CDH13: variants seen among roughly 807,000 people sequenced by gnomAD.
The protein encoded by CDH13 is cadherin-13.
CDH13 carries 24 observed loss-of-function variants against 63.8 expected under a neutral mutation model. The ratio of observed to expected loss-of-function variants is 0.38; its 90% CI spans 0.27 to 0.53. The LOEUF (loss-of-function observed/expected upper bound fraction) is 0.53, where lower values mean the gene tolerates loss of function less well. Ranked by LOEUF, CDH13 falls within the 20% of genes least tolerant of loss-of-function variation. CDH13 has a pLI of 0.85. For synonymous variants in CDH13, 503 were observed against 355.3 expected, an observed-to-expected ratio of 1.42 and a Z score of -4.67; for missense variants, 1,049 against 903.1, an observed-to-expected ratio of 1.16 and a Z score of -2.07.
chr16:83,274,836 C>T (rs556551071), intron 5 of CDH13, among the ~76,000 whole-genome samples: 4 of 152,224 alleles, frequency 2.6e-5, no homozygotes, highest in South Asian at 4.2e-4. Context: ...TAAGCAAGCT[C>T]CCAGGATGAA....
chr16:83,232,559 A>ACC (rs2040034169), intron 5 of CDH13, among the ~76,000 whole-genome samples: 1 of 151,440 alleles, frequency 6.6e-6, no homozygotes, highest in Admixed American at 6.6e-5. Flanking sequence ...CAAACAAAAA[A>ACC]AAAAAAAAGT....
intron 3 of CDH13, among the ~76,000 whole-genome samples, chr16:83,061,742 A>G (rs796328801): frequency 2.6e-5 from 4 of 152,326 alleles, no homozygotes; most frequent in African/African-American, 9.6e-5. Flanking sequence ...AATGAGTAGA[A>G]AGAACAAAAA....
chr16:83,603,277 C>G (rs1198635153), intron 8 of CDH13, among the ~76,000 whole-genome samples: 1 of 152,206 alleles, frequency 6.6e-6, no homozygotes, highest in African/African-American at 2.4e-5. Flanking sequence ...GGGGCCTGGG[C>G]CAGGGCATGG....
intron 4 of CDH13, among the ~76,000 whole-genome samples, chr16:83,216,086 C>G (rs1178668677): frequency 1.3e-5 from 2 of 151,726 alleles, no homozygotes; most frequent in African/African-American, 4.8e-5. Flanking sequence ...CAGACTCTTC[C>G]TTGTCTGCCT....
intron 4 of CDH13, chr16:83,181,090 C>G: frequency 7.8e-7 from 1 of 1,274,700 alleles, no homozygotes; most frequent in Non-Finnish European, 1.1e-6. Context: ...GTCCTGTTGA[C>G]TGAATTTTGA....
chr16:83,558,753 GC>G (rs1267738977), intron 7 of CDH13, among the ~76,000 whole-genome samples: 2 of 152,102 alleles, frequency 1.3e-5, no homozygotes, highest in Admixed American at 6.6e-5. Context: ...AGTTATGTGG[GC>G]CCTTGTTATG....
intron 4 of CDH13, among the ~76,000 whole-genome samples, chr16:83,169,843 A>G (rs981169495): frequency 1.3e-5 from 2 of 152,100 alleles, no homozygotes; most frequent in Non-Finnish European, 1.5e-5. Context: ...ACAATTAACA[A>G]TCTTGGCCTG....
chr16:83,523,429 C>T (rs867673134), intron 7 of CDH13, among the ~76,000 whole-genome samples: 1 of 152,162 alleles, frequency 6.6e-6, no homozygotes, highest in South Asian at 2.1e-4. Context: ...AAGCCCAAGG[C>T]TCTGTCTTGT....
chr16:83,406,025 G>A (rs1443422120), intron 6 of CDH13, among the ~76,000 whole-genome samples: 2 of 152,184 alleles, frequency 1.3e-5, no homozygotes, highest in Non-Finnish European at 2.9e-5. Context: ...TCTTCCAGCA[G>A]CTTCTCCCCG....
intron 6 of CDH13, among the ~76,000 whole-genome samples, chr16:83,377,244 A>G (rs1278725768): frequency 6.6e-6 from 1 of 152,146 alleles, no homozygotes; most frequent in African/African-American, 2.4e-5. Context: ...AAAAGGAGGG[A>G]GGGGTTTATG....
intron 2 of CDH13, among the ~76,000 whole-genome samples, chr16:82,917,606 A>C (rs1048305651): frequency 9.9e-5 from 15 of 152,246 alleles, no homozygotes; most frequent in African/African-American, 3.6e-4. Context: ...TCTCTAATAA[A>C]CTCAGTTTAA....
intron 7 of CDH13, among the ~76,000 whole-genome samples, chr16:83,545,318 A>G (rs984321044): frequency 4.6e-5 from 7 of 152,248 alleles, no homozygotes; most frequent in African/African-American, 1.7e-4. Flanking sequence ...AGGAAAAAAA[A>G]TAGTGGATGT....
intron 2 of CDH13, among the ~76,000 whole-genome samples, chr16:82,938,399 C>T (rs1453391615): frequency 1.3e-5 from 2 of 152,320 alleles, no homozygotes; most frequent in African/African-American, 4.8e-5. Flanking sequence ...TAGATTAGCC[C>T]TCTCAAATAT....
intron 7 of CDH13, among the ~76,000 whole-genome samples, chr16:83,499,006 G>A (rs1369943498): frequency 6.6e-6 from 1 of 152,154 alleles, no homozygotes; most frequent in Admixed American, 6.5e-5. Flanking sequence ...AGAATCAAAT[G>A]GCTTTTTAAA....
At chr16:83,325,902 A>G (rs2151898803) in intron 5 of CDH13, among the ~76,000 whole-genome samples, 1 of 152,342 alleles carries the variant, frequency 6.6e-6, no homozygotes, top group South Asian at 2.1e-4. Context: ...CACTTACAGA[A>G]CGAAGTCCAC....
intron 3 of CDH13, among the ~76,000 whole-genome samples, chr16:83,043,623 C>T (rs1349451308): frequency 6.6e-6 from 1 of 151,750 alleles, no homozygotes; most frequent in Non-Finnish European, 1.5e-5. Context: ...CTTTAAGAGG[C>T]CAAGGCAGGC....
In CDH13 at chr16:83,253,024, C is replaced by G. The variant is rs144948483; in HGVS notation, c.636+35527C>G. ...GGGTACTAAGAGAATTGAGGTATTG[C>G]GTGCCAAACCCTTAGCACAGCACCT... On this transcript the variant is annotated intron_variant, in intron 5 of 13. Transcript: ENST00000567109. 4.1e-4 allele frequency among the ~76,000 whole-genome samples: 62 copies of G among 152,194 alleles called. No individual in the cohort carries two copies. The South Asian group carries it at 4.6e-3, about 11-fold the overall frequency.
chr16:83,276,569 C>G (rs1041561456), intron 5 of CDH13, among the ~76,000 whole-genome samples: 1 of 152,148 alleles, frequency 6.6e-6, no homozygotes, highest in Non-Finnish European at 1.5e-5. Context: ...TGGCAGAAGA[C>G]AAGAGCATGT....
At chr16:83,365,168 G>A (rs1186509015) in intron 6 of CDH13, among the ~76,000 whole-genome samples, 1 of 152,232 alleles carries the variant, frequency 6.6e-6, no homozygotes, top group African/African-American at 2.4e-5. Context: ...TGTGGCTCCA[G>A]TCTGAGTCTG....
Sources: gnomAD v4.1 joint callset for allele counts (sites outside exome capture counted in the v4.1 genomes callset) on GRCh38, gnomAD v4.1.1 for gene constraint, MANE v1.5 for transcripts, NCBI Gene and HGNC (gene_info 2026-07-23, HGNC 2026-07-21) for gene names.